DUSP11: variants seen among roughly 807,000 people sequenced by gnomAD.
DUSP11 encodes RNA/RNP complex-1-interacting phosphatase.
A neutral mutation model predicts 41.4 loss-of-function variants in DUSP11; 27 were observed. The observed-to-expected ratio is 0.65, with a 90% CI of 0.48 to 0.90. DUSP11 has a LOEUF of 0.90. Among genes scored for constraint, DUSP11 ranks in the 40% least tolerant of loss-of-function variants. The probability of loss-of-function intolerance (pLI) is 0.00; values close to 1 mark genes in which losing one functional copy is unlikely to be tolerated. For synonymous variants in DUSP11, 188 were observed against 159.3 expected, an observed-to-expected ratio of 1.18 and a Z score of -1.35; for missense variants, 465 against 461.1, an observed-to-expected ratio of 1.01 and a Z score of -0.08.
chr2:73,772,430 T>TA (rs1469924034), intron 4 of DUSP11, among the ~76,000 whole-genome samples: 4 of 152,172 alleles, frequency 2.6e-5, no homozygotes, highest in Non-Finnish European at 5.9e-5. Flanking sequence ...CTGCAAGACT[T>TA]AGACAGTCAG....
intron 1 of DUSP11, 31 bp from the exon 2 acceptor site, chr2:73,778,407 GTA>G: frequency 1.4e-6 from 2 of 1,384,136 alleles, no homozygotes; most frequent in Non-Finnish European, 1.9e-6. Context: ...TAGCCAAATT[GTA>G]TGTTAGCCTT....
At chr2:73,764,917 G>A (rs1172685325) in intron 8 of DUSP11, among the ~76,000 whole-genome samples, 2 of 152,192 alleles carry the variant, frequency 1.3e-5, no homozygotes. Context: ...AGTGAGCCAA[G>A]ACTGCACCAC....
chr2:73,764,339 A>G (rs1241870599), intron 8 of DUSP11, among the ~76,000 whole-genome samples: 1 of 152,026 alleles, frequency 6.6e-6, no homozygotes, highest in Non-Finnish European at 1.5e-5. Context: ...CATGTTGCCC[A>G]GGGTGGTCTC....
chr2:73,771,872 G>A (rs1185007052), intron 4 of DUSP11, among the ~76,000 whole-genome samples: 2 of 146,496 alleles, frequency 1.4e-5, no homozygotes, highest in African/African-American at 5.1e-5. Context: ...CCAGGCTGGA[G>A]TGCAGTGGCG....
At position 73,766,353 on chromosome 2, in the gene DUSP11, G is replaced by A. The variant is rs182289530; in HGVS notation, c.935+65C>T. ...GAATTCCTCATCAGTATCATAATGT[G>A]TTTTCATTAACTATAGTATTAATTT... On this transcript the variant is annotated intron_variant, in intron 8 of 8. Coordinates refer to ENST00000272444, the Ensembl canonical transcript of DUSP11. The A allele has an allele frequency of 3.9e-4, 508 of 1,292,684 alleles. 9 individuals are homozygous for A. The East Asian group carries it at 0.012, about 30-fold the overall frequency. The allele number at this position is 1,292,684 out of a possible 1,614,324, so 80.1% of individuals were successfully genotyped here.
chr2:73,770,514 CAAA>C (rs1377404800), intron 4 of DUSP11, among the ~76,000 whole-genome samples: 3 of 94,452 alleles, frequency 3.2e-5, no homozygotes. Flanking sequence ...GACTCCATCT[CAAA>C]AAAAAAAAAA....
intron 2 of DUSP11, among the ~76,000 whole-genome samples, 199 bp downstream of exon 2, chr2:73,778,102 A>T (rs1196407166): frequency 6.6e-6 from 1 of 151,916 alleles, no homozygotes; most frequent in Admixed American, 6.6e-5. Context: ...TTTATATTAT[A>T]GTTAGGGTGT....
chr2:73,762,547 G>C (rs550115739), exon 9 of DUSP11: 1 of 716,558 alleles, frequency 1.4e-6, no homozygotes, highest in African/African-American at 1.8e-5. Context: ...CCTTAAGCTT[G>C]AATACATAAG....
chr2:73,779,087 G>A (rs944169907), intron 1 of DUSP11, among the ~76,000 whole-genome samples: 3 of 152,304 alleles, frequency 2.0e-5, no homozygotes, highest in African/African-American at 4.8e-5. Context: ...GGAGGCGGAG[G>A]TTGCAGTGAG....
rs1211612117 is a variant in DUSP11 at position 73,779,774 on chromosome 2, T to C, written c.242+100A>G. On this transcript the variant is annotated intron_variant, in intron 1 of 8. Transcript: ENST00000272444. Reference sequence around the variant, plus strand: ...AAAGCAAGCGGCGGACAAGTCAAGCTTGCGATGGCAACGGCGAGAGGCAGA... The same window carrying C: ...AAAGCAAGCGGCGGACAAGTCAAGCCTGCGATGGCAACGGCGAGAGGCAGA... 8.4e-6 allele frequency: 13 copies of C among 1,551,134 alleles called. 1 individual carries two copies. The highest frequency in any genetic ancestry group is 2.3e-5 in the East Asian group (1 of 44,266).
At chr2:73,778,124 T>G (rs1672719266) in intron 2 of DUSP11, among the ~76,000 whole-genome samples, 177 bp downstream of exon 2, 1 of 152,094 alleles carries the variant, frequency 6.6e-6, no homozygotes. Flanking sequence ...AATTGGTATT[T>G]TTGTTTAAAA....
chr2:73,769,306 G>A, exon 5 of DUSP11: 1 of 1,613,358 alleles, frequency 6.2e-7, no homozygotes, highest in Non-Finnish European at 8.5e-7. Flanking sequence ...CATGGGTACA[G>A]TGGACACCAA....
intron 4 of DUSP11, among the ~76,000 whole-genome samples, chr2:73,772,455 A>C (rs1558534249): frequency 1.3e-5 from 2 of 152,220 alleles, no homozygotes; most frequent in East Asian, 3.9e-4. Context: ...ACTCAGGCAG[A>C]AGACCAACAT....
intron 8 of DUSP11, among the ~76,000 whole-genome samples, chr2:73,764,462 C>A (rs559630702): frequency 1.3e-5 from 2 of 152,176 alleles, no homozygotes; most frequent in East Asian, 3.9e-4. Context: ...AAAGTGTTTA[C>A]AACGTGCTAA....
chr2:73,766,796 C>T, intron 7 of DUSP11, 32 bp downstream of exon 7: 1 of 1,541,568 alleles, frequency 6.5e-7, no homozygotes, highest in Non-Finnish European at 9.0e-7. Flanking sequence ...CTCCCTGACC[C>T]ACAAATCTCA....
At chr2:73,768,763 T>C (rs1211397481) in intron 5 of DUSP11, 2 of 561,138 alleles carry the variant, frequency 3.6e-6, no homozygotes, top group African/African-American at 4.1e-5. Context: ...AAGACCATCC[T>C]GGCTAACACG....
At chr2:73,773,654 C>CT in intron 4 of DUSP11, 146 bp downstream of exon 4, 1 of 803,708 alleles carries the variant, frequency 1.2e-6, no homozygotes, top group Non-Finnish European at 1.9e-6. Context: ...GGAAAAACAT[C>CT]TTACCCTATT....
At chr2:73,769,196 A>G (rs1300862468) in intron 5 of DUSP11, 69 bp downstream of exon 5, 42 of 1,371,824 alleles carry the variant, frequency 3.1e-5, no homozygotes, top group Non-Finnish European at 2.7e-5. Flanking sequence ...ATTTTTTACA[A>G]CCTTACATTA....
In DUSP11 at chr2:73,763,456, G is replaced by A. The variant is rs1431605947; in HGVS notation, c.936-597C>T. On this transcript the variant is annotated intron_variant, in intron 8 of 8. Coordinates refer to ENST00000272444, the Ensembl canonical transcript of DUSP11. ...AGAAAATTTGGGGCTGGGCGTGGTGGCTCGCACTTGTAATCCCAGCACTTT... is the reference window on the plus strand; with the variant it reads ...AGAAAATTTGGGGCTGGGCGTGGTGACTCGCACTTGTAATCCCAGCACTTT... 3.3e-5 allele frequency among the ~76,000 whole-genome samples: 5 copies of A among 152,184 alleles called. No individual in the cohort carries two copies. The South Asian group carries it at 1.0e-3, about 32-fold the overall frequency.
Sources: gnomAD v4.1 joint callset for allele counts (sites outside exome capture counted in the v4.1 genomes callset) on GRCh38, gnomAD v4.1.1 for gene constraint, MANE v1.5 for transcripts, NCBI Gene and HGNC (gene_info 2026-07-23, HGNC 2026-07-21) for gene names.